Variants in PLCB4 observed in about 807,000 individuals in gnomAD.
PLCB4 encodes phospholipase C beta 4, also known as 1-phosphatidylinositol 4,5-bisphosphate phosphodiesterase beta-4.
Under a neutral mutation model 178.8 loss-of-function variants are expected in PLCB4, and 77 were observed. The ratio of observed to expected loss-of-function variants is 0.43; its 90% CI spans 0.36 to 0.52. The LOEUF is 0.52. PLCB4 is among the 20% of genes least tolerant of loss of function. The probability of loss-of-function intolerance (pLI) is 0.00; values close to 1 mark genes in which losing one functional copy is unlikely to be tolerated. For synonymous variants in PLCB4, 496 were observed against 490.8 expected, an observed-to-expected ratio of 1.01 and a Z score of -0.14; for missense variants, 1,024 against 1,453.4, an observed-to-expected ratio of 0.70 and a Z score of 4.80.
intron 3 of PLCB4, among the ~76,000 whole-genome samples, chr20:9,306,857 T>C (rs1399231709): frequency 6.6e-6 from 1 of 152,216 alleles, no homozygotes; most frequent in Non-Finnish European, 1.5e-5. Context: ...TCTCTTTAAA[T>C]GTCCTACTCA....
In PLCB4 at chr20:9,480,581, C is replaced by T. The variant is rs1413086424; in HGVS notation, c.*1572C>T. On this transcript the variant is annotated 3_prime_UTR_variant, in exon 40 of 40. Transcript: ENST00000378473. Reference sequence around the variant, plus strand: ...TTTTCAAAGGGGGCTTATTAATACCCTCAGCATGTTTTTCACCCAAATGAT... The same window carrying T: ...TTTTCAAAGGGGGCTTATTAATACCTTCAGCATGTTTTTCACCCAAATGAT... 2 of 152,168 alleles carry T rather than the reference C, an allele frequency of 1.3e-5. No homozygotes were observed. The highest frequency in any genetic ancestry group is 2.9e-5 in the Non-Finnish European group (2 of 68,026). The allele number at this position is 152,168 out of a possible 1,614,324, so 9.4% of individuals were successfully genotyped here.
intron 2 of PLCB4, among the ~76,000 whole-genome samples, chr20:9,100,968 A>G (rs1030316082): frequency 6.6e-6 from 1 of 151,900 alleles, no homozygotes; most frequent in Non-Finnish European, 1.5e-5. Flanking sequence ...CATGATTTTT[A>G]TGTGGGTAGG....
rs1227824121 is a variant in PLCB4, at chr20:9,444,359, G to A, written c.2880+116G>A. ...TAACAGTAATAACTCATTCTAACTG[G>A]TTAACAATGAAATTAAAAAATAGAA... On this transcript the variant is annotated intron_variant, in intron 32 of 39. Coordinates refer to ENST00000378473, the MANE Select transcript of PLCB4 (RefSeq NM_001377142.1). 12 of 633,954 alleles carry A rather than the reference G, an allele frequency of 1.9e-5. No individual in the cohort carries two copies. In the East Asian group the frequency reaches 3.3e-4, roughly 17 times the overall value. The allele number at this position is 633,954 out of a possible 1,614,324, so 39.3% of individuals were successfully genotyped here. A position where few individuals can be genotyped will look rare whatever the true frequency, so the allele number is the denominator to read the frequency against.
In PLCB4 at chr20:9,334,140, T is replaced by A. The variant is rs2032098265; in HGVS notation, c.85-2986T>A. On this transcript the variant is annotated intron_variant, in intron 4 of 39. Transcript: ENST00000378473. ...CCAAGTCCTGAGGACTATGTAAAAG[T>A]TGAGTACAGAAGGAAAAGGCGGGAA... Among the ~76,000 whole-genome samples, 3 of 152,034 alleles carry A rather than the reference T, an allele frequency of 2.0e-5. 1 individual carries two copies. Among genetic ancestry groups the A allele is most frequent in the Non-Finnish European group, 4.4e-5 (3 of 68,002 alleles).
At chr20:9,416,711 G>A (rs1313533058) in intron 25 of PLCB4, among the ~76,000 whole-genome samples, 1 of 152,092 alleles carries the variant, frequency 6.6e-6, no homozygotes, top group African/African-American at 2.4e-5. Context: ...TCTATATAGA[G>A]AGCTTTTATA....
chr20:9,278,287 T>C lies in PLCB4; in HGVS notation c.-15-29513T>C, dbSNP rs574948707. Among the ~76,000 whole-genome samples the C allele has an allele frequency of 2.0e-5, 3 of 152,192 alleles. No individual in the cohort carries two copies. In the East Asian group the frequency reaches 5.8e-4, roughly 30 times the overall value. Reference sequence around the variant, plus strand: ...AAAGGGTTTGCCATTTTTATGCTAGTGTATTTCACGACAGTCCAGTTGGAA... The same window carrying C: ...AAAGGGTTTGCCATTTTTATGCTAGCGTATTTCACGACAGTCCAGTTGGAA... On this transcript the variant is annotated intron_variant, in intron 3 of 39. Coordinates refer to ENST00000378473, the MANE Select transcript of PLCB4 (RefSeq NM_001377142.1).
chr20:9,104,785 T>TA (rs1357106907), intron 2 of PLCB4, among the ~76,000 whole-genome samples: 1 of 152,094 alleles, frequency 6.6e-6, no homozygotes, highest in Non-Finnish European at 1.5e-5. Flanking sequence ...TCTGTCCTCA[T>TA]AATAAATGCT....
chr20:9,077,929 T>A (rs2089947985), intron 1 of PLCB4, among the ~76,000 whole-genome samples: 1 of 152,256 alleles, frequency 6.6e-6, no homozygotes, highest in South Asian at 2.1e-4. Flanking sequence ...TGCTATTTAA[T>A]GAGTTTTATT....
intron 19 of PLCB4, among the ~76,000 whole-genome samples, chr20:9,396,752 A>G (rs2038615833): frequency 1.3e-5 from 2 of 152,236 alleles, no homozygotes; most frequent in East Asian, 1.9e-4. Flanking sequence ...TTGTTTCCCA[A>G]TGCATACAGA....
intron 13 of PLCB4, among the ~76,000 whole-genome samples, chr20:9,383,541 C>G (rs1568697731): frequency 6.6e-6 from 1 of 152,126 alleles, no homozygotes; most frequent in Non-Finnish European, 1.5e-5. Flanking sequence ...TGGGCTCTAC[C>G]CCATGTCAGA....
intron 2 of PLCB4, among the ~76,000 whole-genome samples, chr20:9,177,859 T>C (rs1225569397): frequency 6.6e-6 from 1 of 152,348 alleles, no homozygotes; most frequent in Non-Finnish European, 1.5e-5. Flanking sequence ...CTGCCTGTCC[T>C]CATCTCATTT....
Position 9,371,309 on chromosome 20 carries a change from TA to T in PLCB4, c.585+16del. 7.2e-7 allele frequency: 1 copy of T among 1,384,052 alleles called. No individual in the cohort carries two copies. The highest frequency in any genetic ancestry group is 1.0e-6 in the Non-Finnish European group (1 of 975,126). The allele number at this position is 1,384,052 out of a possible 1,614,324, so 85.7% of individuals were successfully genotyped here. On this transcript the variant is annotated intron_variant, in intron 10 of 39. Transcript: ENST00000378473. ...CCCAGTGGAAAGGTATGCATTAACT[TA>T]ATAATGTATTTCTAAAACCATTTTG... is the stretch of plus-strand genomic sequence containing the variant.
chr20:9,454,646 T>G (rs2042954721), intron 33 of PLCB4, among the ~76,000 whole-genome samples: 1 of 152,174 alleles, frequency 6.6e-6, no homozygotes, highest in African/African-American at 2.4e-5. Context: ...ACAGAACAGA[T>G]TATGTTAGTT....
intron 2 of PLCB4, among the ~76,000 whole-genome samples, chr20:9,098,845 C>T (rs1256083477): frequency 6.7e-6 from 1 of 149,170 alleles, no homozygotes; most frequent in Non-Finnish European, 1.5e-5. Flanking sequence ...CAATACTCCA[C>T]AGCCTCCTGG....
chr20:9,179,404 G>A (rs1034364270), intron 2 of PLCB4, among the ~76,000 whole-genome samples: 2 of 152,070 alleles, frequency 1.3e-5, no homozygotes, highest in Non-Finnish European at 2.9e-5. Flanking sequence ...GAATGTGGGT[G>A]GCTTCTAGAA....
chr20:9,245,695 A>G (rs750369821), intron 3 of PLCB4, among the ~76,000 whole-genome samples: 2 of 151,042 alleles, frequency 1.3e-5, no homozygotes, highest in African/African-American at 2.4e-5. Context: ...TTGGTTTTGT[A>G]CTTTTGGTCT....
chr20:9,340,086 G>T (rs1212635537), intron 7 of PLCB4, among the ~76,000 whole-genome samples: 1 of 152,124 alleles, frequency 6.6e-6, no homozygotes, highest in Non-Finnish European at 1.5e-5. Context: ...CTCAGTGTAG[G>T]TTGAATGAGA....
chr20:9,248,385 G>A (rs940525816), intron 3 of PLCB4, among the ~76,000 whole-genome samples: 4 of 151,982 alleles, frequency 2.6e-5, no homozygotes, highest in Admixed American at 1.3e-4. Context: ...TACCAAAATT[G>A]GAAATCTTTT....
intron 20 of PLCB4, among the ~76,000 whole-genome samples, chr20:9,403,354 C>A (rs1165407813): frequency 6.6e-6 from 1 of 151,970 alleles, no homozygotes; most frequent in Non-Finnish European, 1.5e-5. Flanking sequence ...AAAAGAAGAG[C>A]AAGGTATGGC....
Sources: allele counts gnomAD v4.1 joint callset (sites outside exome capture counted in the v4.1 genomes callset), GRCh38; gene constraint gnomAD v4.1.1; transcripts MANE v1.5; gene names NCBI Gene and HGNC (gene_info 2026-07-23, HGNC 2026-07-21).